Variants in ADGRV1 observed in about 807,000 individuals in gnomAD.
ADGRV1 encodes adhesion G protein-coupled receptor V1, also known as G-protein coupled receptor 98.
In ADGRV1, 359 loss-of-function variants were observed where a neutral mutation model predicts 596.2. The ratio of observed to expected loss-of-function variants is 0.60; its 90% CI spans 0.55 to 0.66. ADGRV1 has a LOEUF of 0.66. ADGRV1 is among the 30% of genes least tolerant of loss of function. The pLI is 0.00. For missense variants in ADGRV1, 7,274 were observed against 7,575.6 expected (o/e 0.96, Z 1.48); for synonymous variants, 2,681 against 2,679.2 (o/e 1.00, Z -0.02).
intron 83 of ADGRV1, among the ~76,000 whole-genome samples, chr5:90,923,972 A>C (rs1239847642): frequency 1.3e-5 from 2 of 151,806 alleles, no homozygotes; most frequent in Non-Finnish European, 2.9e-5. Flanking sequence ...CTCATTTTTT[A>C]TGGCTGCATA....
intron 54 of ADGRV1, among the ~76,000 whole-genome samples, 157 bp from the exon 55 acceptor site, chr5:90,754,826 C>A (rs779379663): frequency 6.6e-6 from 1 of 152,138 alleles, no homozygotes; most frequent in Non-Finnish European, 1.5e-5. Flanking sequence ...GAAGACCAAG[C>A]CCAGAATGAT....
chr5:90,792,890 A>G (rs1760235110), intron 70 of ADGRV1: 1 of 152,108 alleles, frequency 6.6e-6, no homozygotes, highest in South Asian at 2.1e-4. Flanking sequence ...ACCCACACTC[A>G]CTCAGACTGG....
intron 83 of ADGRV1, among the ~76,000 whole-genome samples, chr5:90,887,138 A>G (rs564191323): frequency 1.3e-5 from 2 of 152,208 alleles, no homozygotes; most frequent in African/African-American, 4.8e-5. Flanking sequence ...TTAAGACTGT[A>G]TCACCAGCTC....
At chr5:90,864,971 T>C (rs185404136) in intron 83 of ADGRV1, among the ~76,000 whole-genome samples, 1 of 152,228 alleles carries the variant, frequency 6.6e-6, no homozygotes, top group Admixed American at 6.5e-5. Context: ...TGGATAGAAC[T>C]TGAAAAAAAT....
chr5:90,846,353 A>C (rs1765874638), intron 78 of ADGRV1: 1 of 152,360 alleles, frequency 6.6e-6, no homozygotes, highest in Non-Finnish European at 1.5e-5. Context: ...ATCATAGAGA[A>C]AGTGATGACT....
At chr5:90,608,673 A>T (rs1027080671) in intron 1 of ADGRV1, among the ~76,000 whole-genome samples, 8 of 152,118 alleles carry the variant, frequency 5.3e-5, no homozygotes, top group Non-Finnish European at 1.5e-5. Context: ...CTGTGACTGG[A>T]GGGTGTTCTC....
In ADGRV1 at chr5:90,733,175, G is replaced by A. The variant is rs116115195; in HGVS notation, c.10549+3411G>A. On this transcript the variant is annotated intron_variant, in intron 50 of 89. Coordinates refer to ENST00000405460, the MANE Select transcript of ADGRV1 (RefSeq NM_032119.4). ...GTGGGAAAGAGAAGTTAGAAATGAA[G>A]ATTCAACAGCACTTGATGTCTGTTC... Among the ~76,000 whole-genome samples, 1,179 of 152,288 alleles carry A rather than the reference G, an allele frequency of 7.7e-3. 8 individuals carry two copies. The highest frequency in any genetic ancestry group is 0.011 in the Non-Finnish European group (729 of 68,024).
intron 87 of ADGRV1, among the ~76,000 whole-genome samples, chr5:91,142,630 T>C (rs147744278): frequency 6.6e-6 from 1 of 152,336 alleles, no homozygotes; most frequent in East Asian, 1.9e-4. Flanking sequence ...TGTGCAATGG[T>C]AATATTGAGT....
intron 86 of ADGRV1, among the ~76,000 whole-genome samples, chr5:91,090,436 C>A (rs1790288387): frequency 6.6e-6 from 1 of 151,968 alleles, no homozygotes; most frequent in African/African-American, 2.4e-5. Context: ...CCCAATAAAT[C>A]ACATTCAAAG....
intron 83 of ADGRV1, among the ~76,000 whole-genome samples, chr5:90,905,590 C>T (rs1392407189): frequency 6.6e-6 from 1 of 152,034 alleles, no homozygotes; most frequent in East Asian, 1.9e-4. Context: ...TTGTACCCTT[C>T]AACTTCACTG....
At chr5:90,817,761 C>T (rs1346501663) in intron 75 of ADGRV1, among the ~76,000 whole-genome samples, 1 of 152,086 alleles carries the variant, frequency 6.6e-6, no homozygotes, top group Non-Finnish European at 1.5e-5. Flanking sequence ...CTGTTCTGTT[C>T]CATTAATCTA....
chr5:90,912,381 A>G (rs943707417), intron 83 of ADGRV1, among the ~76,000 whole-genome samples: 1 of 152,130 alleles, frequency 6.6e-6, no homozygotes, highest in African/African-American at 2.4e-5. Flanking sequence ...TTAAAAAATA[A>G]TTTCAACTTT....
intron 83 of ADGRV1, among the ~76,000 whole-genome samples, chr5:90,898,839 A>G (rs930051547): frequency 6.6e-6 from 1 of 152,032 alleles, no homozygotes; most frequent in Non-Finnish European, 1.5e-5. Flanking sequence ...CCATCTATTC[A>G]GGAGGCTGAA....
At chr5:90,559,191 GA>G (rs1187316507) in intron 1 of ADGRV1, among the ~76,000 whole-genome samples, 7 of 152,194 alleles carry the variant, frequency 4.6e-5, no homozygotes, top group Admixed American at 4.6e-4. Context: ...TGATCTCAAA[GA>G]AGGTGAGAAG....
At chr5:90,999,205 CCTAT>C (rs935338425) in intron 85 of ADGRV1, among the ~76,000 whole-genome samples, 7 of 151,908 alleles carry the variant, frequency 4.6e-5, no homozygotes, top group East Asian at 1.9e-4. Flanking sequence ...ACATCTTTCT[CCTAT>C]CTATTTTTAA....
At chr5:91,152,444 A>AT (rs147506649) in intron 88 of ADGRV1, among the ~76,000 whole-genome samples, 1 of 152,116 alleles carries the variant, frequency 6.6e-6, no homozygotes, top group Non-Finnish European at 1.5e-5. Flanking sequence ...CATTTCTTAT[A>AT]TTTTTTAACA....
intron 29 of ADGRV1, among the ~76,000 whole-genome samples, chr5:90,689,249 C>G (rs981545688): frequency 6.6e-6 from 1 of 152,008 alleles, no homozygotes; most frequent in Admixed American, 6.6e-5. Context: ...GCCTCACACA[C>G]TGACAGATGG....
intron 11 of ADGRV1, among the ~76,000 whole-genome samples, chr5:90,639,225 A>C (rs767524838): frequency 6.2e-4 from 94 of 152,174 alleles, no homozygotes; most frequent in Non-Finnish European, 1.2e-3. Context: ...GTAAATTGGA[A>C]ATTATTTTTT....
In ADGRV1 at chr5:90,625,241, G is replaced by A. The variant is rs727504958; in HGVS notation, c.670G>A (p.Glu224Lys). The A allele has an allele frequency of 5.0e-6, 8 of 1,599,942 alleles. No individual in the cohort carries two copies. The highest frequency in any genetic ancestry group is 6.0e-6 in the Non-Finnish European group (7 of 1,167,954). ...TTATAACTTGACAGTACTCGATGAC[G>A]AGGTTGGCTAATGTTACATACCCAA... ...VIYNLTVLDDEVPENDEIFLI... is the reference protein window; with the variant it reads ...VIYNLTVLDDKVPENDEIFLI... The change falls in exon 6 of 90, where the codon GAG (glutamate) becomes AAG (lysine). Residue 224 changes from glutamate (E) to lysine (K), a missense_variant and splice_region_variant. This residue lies in a region of ADGRV1 where 1,715 missense variants were observed against 1,708.8 expected (regional missense o/e 1.00). Coordinates refer to ENST00000405460, the MANE Select transcript of ADGRV1 (RefSeq NM_032119.4).
Sources: gnomAD v4.1 joint callset for allele counts (sites outside exome capture counted in the v4.1 genomes callset) on GRCh38, gnomAD v4.1.1 for gene constraint, gnomAD v4.1.1 regional missense constraint, MANE v1.5 for transcripts, NCBI Gene and HGNC (gene_info 2026-07-23, HGNC 2026-07-21) for gene names.